ARSG: variants seen among roughly 807,000 people sequenced by gnomAD.
ARSG encodes ASG.
A neutral mutation model predicts 50.5 loss-of-function variants in ARSG; 37 were observed. That is an observed-to-expected ratio of 0.73 (90% CI 0.56 to 0.96). ARSG has a LOEUF of 0.96. Ranked by LOEUF, ARSG falls within the 50% of genes least tolerant of loss-of-function variation. The pLI, the probability that ARSG is intolerant of heterozygous loss-of-function variation, is 0.00. For missense variants in ARSG, 629 were observed against 675.3 expected (o/e 0.93, Z 0.76); for synonymous variants, 225 against 254.6 (o/e 0.88, Z 1.11).
intron 8 of ARSG, among the ~76,000 whole-genome samples, chr17:68,375,386 G>A (rs1362675447): frequency 2.0e-5 from 3 of 152,138 alleles, no homozygotes; most frequent in Admixed American, 6.5e-5. Context: ...ACAAATTTTA[G>A]GGCTTCACCC....
intron 1 of ARSG, among the ~76,000 whole-genome samples, chr17:68,266,368 AGTATATATAT>A (rs1305375015): frequency 2.1e-4 from 26 of 125,934 alleles, no homozygotes; most frequent in African/African-American, 5.7e-4. Flanking sequence ...CAATGATCAA[AGTATATATAT>A]GTATATATAT....
chr17:68,427,357 G>C (rs972159590), downstream of ARSG: 18 of 867,888 alleles, frequency 2.1e-5, no homozygotes, highest in Admixed American at 6.7e-5. Flanking sequence ...CAGCTCTGTG[G>C]GTTATTTATT....
the ARSG span, among the ~76,000 whole-genome samples, chr17:68,443,489 A>G: frequency 6.6e-6 from 1 of 152,218 alleles, no homozygotes; most frequent in Non-Finnish European, 1.5e-5. Flanking sequence ...AGGGCCATTT[A>G]TAGAATTGGA....
intron 2 of ARSG, among the ~76,000 whole-genome samples, chr17:68,336,985 T>G (rs1599773178): frequency 6.6e-6 from 1 of 152,284 alleles, no homozygotes; most frequent in East Asian, 1.9e-4. Flanking sequence ...CCTAAGGACC[T>G]CTATGGAGGC....
chr17:68,438,620 A>C, the ARSG span, among the ~76,000 whole-genome samples: 1 of 152,268 alleles, frequency 6.6e-6, no homozygotes, highest in East Asian at 1.9e-4. Context: ...TTGTTTTTTG[A>C]GATGGAGTCT....
chr17:68,320,116 A>G (rs1014773228), intron 2 of ARSG, among the ~76,000 whole-genome samples: 2 of 152,148 alleles, frequency 1.3e-5, no homozygotes, highest in Non-Finnish European at 2.9e-5. Context: ...GTGAAATCCC[A>G]TCTCTACTAA....
chr17:68,412,794 A>G (rs1185004084), intron 11 of ARSG, among the ~76,000 whole-genome samples: 3 of 151,930 alleles, frequency 2.0e-5, no homozygotes, highest in Admixed American at 6.6e-5. Flanking sequence ...ACATAGTCCC[A>G]TATTTCTTGG....
chr17:68,399,000 T>C (rs557301442), intron 10 of ARSG, among the ~76,000 whole-genome samples: 1 of 152,260 alleles, frequency 6.6e-6, no homozygotes, highest in South Asian at 2.1e-4. Flanking sequence ...GGTGGTAACA[T>C]CATCACTGGT....
At chr17:68,285,501 C>G (rs2075820801) in intron 1 of ARSG, 1 of 152,296 alleles carries the variant, frequency 6.6e-6, no homozygotes, top group African/African-American at 2.4e-5. Context: ...GAAACCCCGT[C>G]TCTACTAAAA....
chr17:68,433,760 G>GTTGTTT, the ARSG span, among the ~76,000 whole-genome samples: 1 of 72,822 alleles, frequency 1.4e-5, no homozygotes, highest in Admixed American at 1.8e-4. Context: ...AAGGGTCATA[G>GTTGTTT]TTTTTTTTTT....
intron 2 of ARSG, among the ~76,000 whole-genome samples, chr17:68,330,164 C>G (rs1396805862): frequency 2.0e-5 from 3 of 151,540 alleles, no homozygotes; most frequent in South Asian, 4.2e-4. Context: ...GAGCTGAGAT[C>G]GAGCCACTGC....
the ARSG span, among the ~76,000 whole-genome samples, chr17:68,450,408 G>A: frequency 2.0e-5 from 3 of 152,176 alleles, no homozygotes; most frequent in African/African-American, 4.8e-5. Context: ...GTGCTCTTGC[G>A]GTGGCTCATG....
rs907266923 is a variant in ARSG at position 68,417,804 on chromosome 17, G to C, written c.1304-2385G>C. Reference sequence around the variant, plus strand: ...ACATTGTTGCCTGGGCTGGAGTGCAGTGGCACGATCTCGGCTCCCAGGTTC... The same window carrying C: ...ACATTGTTGCCTGGGCTGGAGTGCACTGGCACGATCTCGGCTCCCAGGTTC... On this transcript the variant is annotated intron_variant, in intron 11 of 11. Coordinates refer to ENST00000621439, the MANE Select transcript of ARSG (RefSeq NM_001267727.2). 3.9e-5 allele frequency among the ~76,000 whole-genome samples: 5 copies of C among 128,424 alleles called. No homozygotes were observed. The Admixed American group carries it at 4.8e-4, about 12-fold the overall frequency. 84.3% of individuals were successfully genotyped at this position (128,424 alleles called of 152,430 possible).
intron 1 of ARSG, among the ~76,000 whole-genome samples, chr17:68,261,609 G>T (rs746372619): frequency 3.9e-5 from 6 of 152,054 alleles, no homozygotes; most frequent in Non-Finnish European, 7.4e-5. Context: ...AAACTCCCAG[G>T]CTCAAGCAAT....
rs1386665693 is a variant in ARSG, at chr17:68,367,670, C to T, written c.705-878C>T. Among the ~76,000 whole-genome samples the T allele has an allele frequency of 6.6e-6, 1 of 152,118 alleles. No individual in the cohort carries two copies. Among genetic ancestry groups the T allele is most frequent in the Admixed American group, 6.6e-5 (1 of 15,266 alleles). ...AAATCAGGATGAGTACAGAGGCAGC[C>T]GAACAACAAGGCCTCTGACAGATCC... is the stretch of plus-strand genomic sequence containing the variant. On this transcript the variant is annotated intron_variant, in intron 6 of 11. Transcript: ENST00000621439. This position sits in a 1 kb window ranked among gnomAD's most constrained non-coding sequence, Gnocchi z 4.5.
At chr17:68,368,960 G>A (rs1365385042) in intron 7 of ARSG, among the ~76,000 whole-genome samples, 1 of 152,238 alleles carries the variant, frequency 6.6e-6, no homozygotes, top group African/African-American at 2.4e-5. Flanking sequence ...CACACACAGA[G>A]CAGCCACCTT....
At chr17:68,311,031 C>T (rs528708995) in intron 2 of ARSG, among the ~76,000 whole-genome samples, 14 of 152,332 alleles carry the variant, frequency 9.2e-5, no homozygotes, top group Non-Finnish European at 1.5e-4. Context: ...AATCCCATCT[C>T]TACTGAAAAT....
At chr17:68,270,607 T>A (rs141081222) in intron 1 of ARSG, among the ~76,000 whole-genome samples, 64 of 151,808 alleles carry the variant, frequency 4.2e-4, no homozygotes, top group Non-Finnish European at 7.4e-4. Context: ...CAGCTTCCAG[T>A]CCTGAATCGA....
intron 2 of ARSG, among the ~76,000 whole-genome samples, chr17:68,309,234 G>A (rs1212850030): frequency 3.3e-5 from 5 of 152,236 alleles, no homozygotes; most frequent in Admixed American, 6.5e-5. Flanking sequence ...ACGCCCACCC[G>A]GAACTCCAGC....
Sources: gnomAD v4.1 joint callset for allele counts (sites outside exome capture counted in the v4.1 genomes callset) on GRCh38, gnomAD v4.1.1 for gene constraint, Gnocchi (gnomAD v3.1) non-coding constraint, MANE v1.5 for transcripts, NCBI Gene and HGNC (gene_info 2026-07-23, HGNC 2026-07-21) for gene names.